Variants in SAR1A observed in about 807,000 individuals in gnomAD.
SAR1A encodes the protein small COPII coat GTPase SAR1A.
A neutral mutation model predicts 22.6 loss-of-function variants in SAR1A; 6 were observed. The observed-to-expected ratio is 0.27, with a 90% CI of 0.15 to 0.52. The LOEUF is 0.52. SAR1A is among the 20% of genes least tolerant of loss of function. The pLI is 0.96. For synonymous variants in SAR1A, 70 were observed against 82.2 expected, an observed-to-expected ratio of 0.85 and a Z score of 0.80; for missense variants, 145 against 245.1, an observed-to-expected ratio of 0.59 and a Z score of 2.73.
rs1203166540 is a variant in SAR1A, at chr10:70,157,871, A to G, written c.245-4T>C. On this transcript the variant is annotated splice_region_variant and splice_polypyrimidine_tract_variant and intron_variant, in intron 4 of 6. Coordinates refer to ENST00000373241, the MANE Select transcript of SAR1A (RefSeq NM_020150.5). ...TAATTTTTCCAAACGCGACGTGCTA[A>G]AAAACAAAGTTTGTAGTTGCATGAG... is the stretch of plus-strand genomic sequence containing the variant. 6.2e-7 allele frequency: 1 copy of G among 1,605,208 alleles called. No homozygotes were observed.
intron 1 of SAR1A, among the ~76,000 whole-genome samples, chr10:70,164,736 A>C (rs1005560703): frequency 6.6e-6 from 1 of 152,228 alleles, no homozygotes; most frequent in African/African-American, 2.4e-5. Context: ...TAAAAAAATT[A>C]CAATTAAAAA....
chr10:70,152,832 C>A (rs541960997), intron 6 of SAR1A, among the ~76,000 whole-genome samples: 1 of 152,044 alleles, frequency 6.6e-6, no homozygotes, highest in African/African-American at 2.4e-5. Context: ...CTTTGAACAC[C>A]CAATATTTAT....
chr10:70,155,397 C>A (rs76215111), intron 5 of SAR1A, among the ~76,000 whole-genome samples: 2 of 151,818 alleles, frequency 1.3e-5, no homozygotes, highest in Non-Finnish European at 2.9e-5. Flanking sequence ...GGAAAGCTAG[C>A]GGGGAAAGCA....
rs111499196 is a variant in SAR1A, at chr10:70,154,967, A to G, written c.349-998T>C. On this transcript the variant is annotated intron_variant, in intron 5 of 6. Transcript: ENST00000373241. Reference sequence around the variant, plus strand: ...ATAGGTGTAAAGGAGAAGTAAGAACATAAACAACGGCTTTGCATTAGGACA... The same window carrying G: ...ATAGGTGTAAAGGAGAAGTAAGAACGTAAACAACGGCTTTGCATTAGGACA... 4.1e-3 allele frequency: 1,702 copies of G among 411,476 alleles called. 23 individuals carry two copies. Among genetic ancestry groups the G allele is most frequent in the African/African-American group, 0.027 (1,298 of 48,040 alleles). The allele number at this position is 411,476 out of a possible 1,614,324, so 25.5% of individuals were successfully genotyped here. A position where few individuals can be genotyped will look rare whatever the true frequency, so the allele number is the denominator to read the frequency against.
intron 1 of SAR1A, chr10:70,164,003 C>T (rs2136720049): frequency 4.0e-6 from 4 of 1,004,966 alleles, no homozygotes; most frequent in East Asian, 2.4e-5. Context: ...TAGAACTTCA[C>T]CATGTGATGA....
At position 70,150,554 on chromosome 10, in the gene SAR1A, T is replaced by C. The variant is rs1241271166; in HGVS notation, c.*1922A>G. Reference sequence around the variant, plus strand: ...TTGCAACAAAGTGACAAGGGACAAATAGGGGAAAAAAAAAATTAAGAAAAC... The same window carrying C: ...TTGCAACAAAGTGACAAGGGACAAACAGGGGAAAAAAAAAATTAAGAAAAC... On this transcript the variant is annotated 3_prime_UTR_variant, in exon 7 of 7. Coordinates refer to ENST00000373241, the MANE Select transcript of SAR1A (RefSeq NM_020150.5). 1 of 151,360 alleles carries C rather than the reference T, an allele frequency of 6.6e-6. No homozygotes were observed. Among genetic ancestry groups the C allele is most frequent in the East Asian group, 1.9e-4 (1 of 5,180 alleles). The allele number at this position is 151,360 out of a possible 1,614,324, so 9.4% of individuals were successfully genotyped here. A position where few individuals can be genotyped will look rare whatever the true frequency, so the allele number is the denominator to read the frequency against.
chr10:70,164,019 C>T (rs1839512095), intron 1 of SAR1A: 2 of 901,270 alleles, frequency 2.2e-6, no homozygotes, highest in African/African-American at 1.6e-5. Flanking sequence ...GATGACAAAC[C>T]TTGGAGTGAA....
intron 1 of SAR1A, among the ~76,000 whole-genome samples, chr10:70,169,724 C>A (rs1228409116): frequency 6.6e-6 from 1 of 152,226 alleles, no homozygotes; most frequent in Non-Finnish European, 1.5e-5. Context: ...CATGGCGAAT[C>A]TCCCTAAGCC....
At chr10:70,166,394 C>T (rs1564572205) in intron 1 of SAR1A, among the ~76,000 whole-genome samples, 1 of 152,054 alleles carries the variant, frequency 6.6e-6, no homozygotes, top group Non-Finnish European at 1.5e-5. Context: ...CTTAGATGCA[C>T]TAAATAGAAA....
At chr10:70,168,419 A>AC (rs1182825290) in intron 1 of SAR1A, among the ~76,000 whole-genome samples, 1 of 152,024 alleles carries the variant, frequency 6.6e-6, no homozygotes, top group African/African-American at 2.4e-5. Context: ...ACATGGTGAA[A>AC]CCCCATCTCT....
intron 5 of SAR1A, among the ~76,000 whole-genome samples, chr10:70,154,371 C>A (rs1426086004): frequency 6.6e-6 from 1 of 152,178 alleles, no homozygotes; most frequent in Non-Finnish European, 1.5e-5. Context: ...CACCAAGTCC[C>A]ATTGTGTGCG....
intron 1 of SAR1A, chr10:70,163,611 T>A (rs1050799946): frequency 5.9e-6 from 4 of 677,330 alleles, no homozygotes; most frequent in Non-Finnish European, 1.1e-5. Context: ...TGACACTAAA[T>A]CAGTCCAAGT....
chr10:70,150,193 GA>G lies in SAR1A; in HGVS notation c.*2282del, dbSNP rs1351422562. ...AACAAACCAATGAAAAAAAAAAAAG[GA>G]AATAGCGTATTTGTTTTAACTTTTT... On this transcript the variant is annotated 3_prime_UTR_variant, in exon 7 of 7. Coordinates refer to ENST00000373241, the MANE Select transcript of SAR1A (RefSeq NM_020150.5). The G allele has an allele frequency of 6.6e-6, 1 of 151,746 alleles. No homozygotes were observed. The highest frequency in any genetic ancestry group is 6.6e-5 in the Admixed American group (1 of 15,240). 9.4% of individuals were successfully genotyped at this position (151,746 alleles called of 1,614,324 possible). A position where few individuals can be genotyped will look rare whatever the true frequency, so the allele number is the denominator to read the frequency against.
chr10:70,159,076 T>C (rs1181654751), intron 4 of SAR1A, among the ~76,000 whole-genome samples: 1 of 152,118 alleles, frequency 6.6e-6, no homozygotes, highest in Non-Finnish European at 1.5e-5. Flanking sequence ...AATCCTTTTG[T>C]GGAAGCAGCA....
chr10:70,156,046 G>A (rs1418994253), intron 5 of SAR1A, among the ~76,000 whole-genome samples: 2 of 152,278 alleles, frequency 1.3e-5, no homozygotes, highest in South Asian at 4.1e-4. Flanking sequence ...CAGATTTGTG[G>A]ACTGCATGTC....
intron 1 of SAR1A, among the ~76,000 whole-genome samples, chr10:70,162,391 GGGAAAA>G (rs1441588444): frequency 1.1e-4 from 15 of 136,166 alleles, no homozygotes; most frequent in Non-Finnish European, 1.6e-4. Context: ...GAAAGGGAAA[GGGAAAA>G]GGAAAGGGAA....
intron 1 of SAR1A, chr10:70,167,387 C>T (rs570422202): frequency 6.6e-6 from 1 of 151,874 alleles, no homozygotes; most frequent in Non-Finnish European, 1.5e-5. Flanking sequence ...GAACAGTAAC[C>T]AGTAAAAGCA....
Position 70,152,450 on chromosome 10 carries a change from ACT to A in SAR1A, c.*24_*25del, listed in dbSNP as rs774410285. 6.6e-7 allele frequency: 1 copy of A among 1,523,632 alleles called. No individual in the cohort carries two copies. Among genetic ancestry groups the A allele is most frequent in the East Asian group, 2.3e-5 (1 of 44,400 alleles). The allele number at this position is 1,523,632 out of a possible 1,614,324, so 94.4% of individuals were successfully genotyped here. A position where few individuals can be genotyped will look rare whatever the true frequency, so the allele number is the denominator to read the frequency against. On this transcript the variant is annotated 3_prime_UTR_variant, in exon 7 of 7. Coordinates refer to ENST00000373241, the MANE Select transcript of SAR1A (RefSeq NM_020150.5). Reference sequence around the variant, plus strand: ...AATAGGATCAGTCCAGAGAAGTAAAACTCTTTTATTTTCACCGTCCAAACATC... The same window carrying A: ...AATAGGATCAGTCCAGAGAAGTAAAACTTTTATTTTCACCGTCCAAACATC...
At chr10:70,164,780 C>T (rs1192659102) in intron 1 of SAR1A, among the ~76,000 whole-genome samples, 1 of 152,296 alleles carries the variant, frequency 6.6e-6, no homozygotes, top group South Asian at 2.1e-4. Context: ...GCCTACCACA[C>T]ATCTGTTTAC....
Sources: allele counts gnomAD v4.1 joint callset (sites outside exome capture counted in the v4.1 genomes callset), GRCh38; gene constraint gnomAD v4.1.1; transcripts MANE v1.5; gene names NCBI Gene and HGNC (gene_info 2026-07-23, HGNC 2026-07-21).